SETBP1: variants seen among roughly 807,000 people sequenced by gnomAD.
The protein encoded by SETBP1 is SET-binding protein.
A neutral mutation model predicts 101.0 loss-of-function variants in SETBP1; 9 were observed. That is an observed-to-expected ratio of 0.09 (90% CI 0.05 to 0.16). The LOEUF is 0.16. Among genes scored for constraint, SETBP1 ranks in the 10% least tolerant of loss-of-function variants. The probability of loss-of-function intolerance (pLI) is 1.00; values close to 1 mark genes in which losing one functional copy is unlikely to be tolerated. For synonymous variants in SETBP1, 818 were observed against 788.5 expected (o/e 1.04, Z -0.63); for missense variants, 1,858 against 2,033.8 (o/e 0.91, Z 1.66).
chr18:44,866,916 C>T (rs1482756773), intron 2 of SETBP1, among the ~76,000 whole-genome samples: 1 of 152,226 alleles, frequency 6.6e-6, no homozygotes, highest in Admixed American at 6.5e-5. Context: ...CTTTCTGTGG[C>T]TCATTTGACT....
intron 3 of SETBP1, among the ~76,000 whole-genome samples, chr18:44,940,798 C>A (rs1017897527): frequency 6.6e-6 from 1 of 152,146 alleles, no homozygotes; most frequent in Non-Finnish European, 1.5e-5. Context: ...AATATATTTA[C>A]TATTTTCAGC....
Position 44,811,628 on chromosome 18 carries a change from A to G in SETBP1, c.487-57602A>G, listed in dbSNP as rs190831738. Among the ~76,000 whole-genome samples, 516 of 152,336 alleles carry G rather than the reference A, an allele frequency of 3.4e-3. 2 individuals carry two copies. Among genetic ancestry groups the G allele is most frequent in the Non-Finnish European group, 5.9e-3 (401 of 68,036 alleles). On this transcript the variant is annotated intron_variant, in intron 2 of 5. Transcript: ENST00000649279. ...GCTGAAGATAACAACAGAACTAAGG[A>G]ATGAAGGGGGTAGAAAGCAATTCTA...
At chr18:44,773,184 A>T (rs548485025) in intron 2 of SETBP1, among the ~76,000 whole-genome samples, 1 of 152,264 alleles carries the variant, frequency 6.6e-6, no homozygotes, top group African/African-American at 2.4e-5. Context: ...TAGACAGTCC[A>T]TAGAGGAAGC....
intron 2 of SETBP1, among the ~76,000 whole-genome samples, chr18:44,773,314 T>C (rs1029020013): frequency 2.0e-5 from 3 of 152,188 alleles, no homozygotes; most frequent in Admixed American, 6.5e-5. Context: ...GGGATGGCCA[T>C]GGAGGGAGTG....
At chr18:44,973,084 A>G (rs955586504) in intron 4 of SETBP1, among the ~76,000 whole-genome samples, 1 of 152,130 alleles carries the variant, frequency 6.6e-6, no homozygotes, top group Non-Finnish European at 1.5e-5. Flanking sequence ...TTTTTAGCAT[A>G]AAGGGTAGTT....
chr18:44,898,074 C>T (rs1195863868), intron 3 of SETBP1, among the ~76,000 whole-genome samples: 2 of 152,166 alleles, frequency 1.3e-5, no homozygotes, highest in East Asian at 3.9e-4. Context: ...TCTAAACTCA[C>T]TCAGGGCTCT....
chr18:45,039,990 G>A (rs527878171), intron 5 of SETBP1, among the ~76,000 whole-genome samples: 10 of 152,168 alleles, frequency 6.6e-5, no homozygotes, highest in African/African-American at 1.9e-4. Context: ...TTCCTGCAGG[G>A]CTTTCCGGGG....
chr18:44,909,507 A>G (rs1314940285), intron 3 of SETBP1, among the ~76,000 whole-genome samples: 1 of 152,186 alleles, frequency 6.6e-6, no homozygotes, highest in Non-Finnish European at 1.5e-5. Flanking sequence ...TGAACTTAGG[A>G]GGGAGTATCG....
chr18:44,832,898 T>C (rs1434130012), intron 2 of SETBP1, among the ~76,000 whole-genome samples: 1 of 152,220 alleles, frequency 6.6e-6, no homozygotes, highest in African/African-American at 2.4e-5. Flanking sequence ...TCATAGTTGA[T>C]TTTTAATCAC....
At chr18:45,028,646 A>G (rs58488145) in intron 4 of SETBP1, among the ~76,000 whole-genome samples, 9,602 of 152,152 alleles carry the variant, frequency 0.063, 695 homozygotes, top group East Asian at 0.4. Flanking sequence ...AAGTGTTCCT[A>G]TTTCTCCACA....
At chr18:45,054,429 A>G (rs779424851) in intron 5 of SETBP1, among the ~76,000 whole-genome samples, 27 of 151,934 alleles carry the variant, frequency 1.8e-4, no homozygotes, top group Admixed American at 3.9e-4. Context: ...CTCGTAATCC[A>G]CCCACCTCAG....
chr18:44,973,046 G>A (rs186436007), intron 4 of SETBP1, among the ~76,000 whole-genome samples: 53 of 152,230 alleles, frequency 3.5e-4, no homozygotes, highest in Admixed American at 3.3e-3. Context: ...TTTGAGATCC[G>A]TCCCATCAAT....
At chr18:44,789,354 G>A (rs1315366095) in intron 2 of SETBP1, among the ~76,000 whole-genome samples, 1 of 152,116 alleles carries the variant, frequency 6.6e-6, no homozygotes, top group African/African-American at 2.4e-5. Flanking sequence ...CATCTCTAAG[G>A]TTCTAAACTT....
chr18:45,018,340 C>T (rs1250219049), intron 4 of SETBP1, among the ~76,000 whole-genome samples: 1 of 152,178 alleles, frequency 6.6e-6, no homozygotes, highest in Admixed American at 6.5e-5. Flanking sequence ...GTTTTCATTT[C>T]AAATGGTAGT....
intron 2 of SETBP1, among the ~76,000 whole-genome samples, chr18:44,863,019 C>T (rs2069049415): frequency 6.6e-6 from 1 of 152,162 alleles, no homozygotes; most frequent in South Asian, 2.1e-4. Context: ...CCTCCAAGTC[C>T]AATGCTGTTT....
intron 5 of SETBP1, among the ~76,000 whole-genome samples, chr18:45,047,292 A>G (rs867521063): frequency 6.6e-6 from 1 of 152,188 alleles, no homozygotes; most frequent in African/African-American, 2.4e-5. Context: ...TAAGATACTC[A>G]TTTTATATCA....
chr18:45,020,334 C>G (rs1237213656), intron 4 of SETBP1, among the ~76,000 whole-genome samples: 1 of 143,118 alleles, frequency 7.0e-6, no homozygotes, highest in Non-Finnish European at 1.5e-5. Flanking sequence ...GCATGTCCTT[C>G]TGAGTCACTT....
chr18:45,028,345 A>C (rs945270404), intron 4 of SETBP1, among the ~76,000 whole-genome samples: 21 of 151,764 alleles, frequency 1.4e-4, no homozygotes, highest in South Asian at 8.4e-4. Context: ...TGAACTCATC[A>C]TTTTTTATGG....
In SETBP1 at chr18:44,846,677, G is replaced by T. The variant is rs527529824; in HGVS notation, c.487-22553G>T. Among the ~76,000 whole-genome samples, 29 of 152,356 alleles carry T rather than the reference G, an allele frequency of 1.9e-4. No homozygotes were observed. In the South Asian group the frequency reaches 6.0e-3, roughly 32 times the overall value. On this transcript the variant is annotated intron_variant, in intron 2 of 5. Transcript: ENST00000649279. ...CCCATTGCTCTAGTAAACAGCCAGT[G>T]CTCAGGAAGTGTTTGTTGAATGACC...
Sources: allele counts gnomAD v4.1 joint callset (sites outside exome capture counted in the v4.1 genomes callset), GRCh38; gene constraint gnomAD v4.1.1; transcripts MANE v1.5; gene names NCBI Gene and HGNC (gene_info 2026-07-23, HGNC 2026-07-21).